The following CABLES1 variants were observed in gnomAD, a reference collection of about 807,000 sequenced individuals.
CABLES1 encodes the protein CDK5 and ABL1 enzyme substrate 1.
A neutral mutation model predicts 57.8 loss-of-function variants in CABLES1; 36 were observed. The observed-to-expected ratio is 0.62, with a 90% CI of 0.48 to 0.82. CABLES1 has a LOEUF of 0.82. Among genes scored for constraint, CABLES1 ranks in the 40% least tolerant of loss-of-function variants. CABLES1 has a pLI of 0.00. For missense variants in CABLES1, 767 were observed against 836.6 expected, an observed-to-expected ratio of 0.92 and a Z score of 1.03; for synonymous variants, 374 against 363.0, an observed-to-expected ratio of 1.03 and a Z score of -0.35.
intron 2 of CABLES1, among the ~76,000 whole-genome samples, chr18:23,190,073 C>G (rs138565787): frequency 1.3e-5 from 2 of 152,300 alleles, no homozygotes; most frequent in Middle Eastern, 3.4e-3. Context: ...GTGGCAAACG[C>G]GGCCTGGGAA....
chr18:23,186,794 C>T (rs948445170), intron 1 of CABLES1, among the ~76,000 whole-genome samples: 2 of 152,122 alleles, frequency 1.3e-5, no homozygotes, highest in Non-Finnish European at 2.9e-5. Context: ...GATTCTAGGC[C>T]CTAGGCATTC....
At chr18:23,255,749 C>T (rs1184048581) in intron 9 of CABLES1, among the ~76,000 whole-genome samples, 1 of 151,750 alleles carries the variant, frequency 6.6e-6, no homozygotes, top group Non-Finnish European at 1.5e-5. Context: ...TTTATAGAGA[C>T]CAGGTCTTGC....
At chr18:23,184,956 A>T (rs2047192322) in intron 1 of CABLES1, among the ~76,000 whole-genome samples, 1 of 152,142 alleles carries the variant, frequency 6.6e-6, no homozygotes. Context: ...CCACCACCTC[A>T]TACTATCACA....
intron 4 of CABLES1, among the ~76,000 whole-genome samples, chr18:23,217,967 G>T (rs1445534490): frequency 6.6e-6 from 1 of 152,190 alleles, no homozygotes; most frequent in Admixed American, 6.5e-5. Flanking sequence ...CCAGCCTGCC[G>T]GGCCATGCTT....
intron 3 of CABLES1, among the ~76,000 whole-genome samples, chr18:23,196,360 T>G (rs1417605480): frequency 2.0e-5 from 3 of 152,170 alleles, no homozygotes; most frequent in African/African-American, 7.2e-5. Flanking sequence ...GAGCTGGTTT[T>G]CTTGTGCAAA....
intron 8 of CABLES1, 100 bp from the exon 9 acceptor site, chr18:23,253,629 G>A: frequency 3.0e-6 from 3 of 993,462 alleles, no homozygotes; most frequent in Non-Finnish European, 4.5e-6. Flanking sequence ...CACCCTCTGG[G>A]AAAGAGAAAG....
At chr18:23,255,709 A>G (rs1340814961) in intron 9 of CABLES1, among the ~76,000 whole-genome samples, 1 of 151,924 alleles carries the variant, frequency 6.6e-6, no homozygotes, top group Non-Finnish European at 1.5e-5. Flanking sequence ...ACAGGCATGT[A>G]CCACTGCGCC....
chr18:23,243,025 A>G (rs2047774313), intron 7 of CABLES1, among the ~76,000 whole-genome samples: 1 of 150,398 alleles, frequency 6.6e-6, no homozygotes, highest in Non-Finnish European at 1.5e-5. Flanking sequence ...ATATATTTAT[A>G]AATATAGATA....
intron 1 of CABLES1, among the ~76,000 whole-genome samples, chr18:23,143,420 C>T (rs1460820471): frequency 6.6e-6 from 1 of 152,222 alleles, no homozygotes; most frequent in Non-Finnish European, 1.5e-5. Flanking sequence ...GTTTAAAGCT[C>T]TGCTGGGTCC....
Position 23,257,616 on chromosome 18 carries a change from CT to C in CABLES1, c.*250del. The C allele has an allele frequency of 2.5e-6, 1 of 398,530 alleles. No individual in the cohort carries two copies. Among genetic ancestry groups the C allele is most frequent in the Non-Finnish European group, 4.4e-6 (1 of 228,480 alleles). 24.7% of individuals were successfully genotyped at this position (398,530 alleles called of 1,614,324 possible). A position where few individuals can be genotyped will look rare whatever the true frequency, so the allele number is the denominator to read the frequency against. On this transcript the variant is annotated 3_prime_UTR_variant, in exon 10 of 10. Coordinates refer to ENST00000256925, the MANE Select transcript of CABLES1 (RefSeq NM_001100619.3). ...GTGCTGAGAACAGAGAGGCCCTGCC[CT>C]CTGTCCACTAGCGAGAATCCCTAGC...
At chr18:23,218,986 T>C (rs1339210513) in intron 4 of CABLES1, 1 of 347,490 alleles carries the variant, frequency 2.9e-6, no homozygotes, top group African/African-American at 2.1e-5. Flanking sequence ...CCCACAATTA[T>C]AGTAAATGTA....
intron 4 of CABLES1, among the ~76,000 whole-genome samples, chr18:23,230,400 A>G (rs972954125): frequency 2.0e-5 from 3 of 152,120 alleles, no homozygotes; most frequent in Non-Finnish European, 4.4e-5. Flanking sequence ...ACCTATAAGA[A>G]ACTGACATTG....
At chr18:23,222,550 ATC>A (rs1240546876) in intron 4 of CABLES1, among the ~76,000 whole-genome samples, 26 of 148,168 alleles carry the variant, frequency 1.8e-4, no homozygotes, top group African/African-American at 5.9e-4. Context: ...CTCTATATAT[ATC>A]TATATATAGA....
chr18:23,235,770 A>C (rs1157774555), intron 5 of CABLES1, 125 bp from the exon 6 acceptor site: 7 of 986,304 alleles, frequency 7.1e-6, no homozygotes, highest in Non-Finnish European at 1.1e-5. Flanking sequence ...GATCTCATTG[A>C]ATTTCAGAAT....
chr18:23,201,400 G>A (rs1300901951), intron 3 of CABLES1, among the ~76,000 whole-genome samples: 1 of 152,226 alleles, frequency 6.6e-6, no homozygotes, highest in Non-Finnish European at 1.5e-5. Flanking sequence ...GTCATAGAAA[G>A]CTAGATGTGT....
intron 2 of CABLES1, among the ~76,000 whole-genome samples, chr18:23,192,503 G>T (rs1208070795): frequency 6.6e-6 from 1 of 152,218 alleles, no homozygotes; most frequent in East Asian, 1.9e-4. Context: ...CAGCTGGGAG[G>T]TGGGAGGAAG....
intron 1 of CABLES1, among the ~76,000 whole-genome samples, chr18:23,186,423 C>CTT (rs869108601): frequency 0.028 from 3,990 of 143,490 alleles, 86 homozygotes; most frequent in Middle Eastern, 0.048. Context: ...CTTTTCTCTT[C>CTT]TTTTTTTTTT....
At chr18:23,201,779 C>T (rs1292374614) in intron 3 of CABLES1, among the ~76,000 whole-genome samples, 1 of 152,182 alleles carries the variant, frequency 6.6e-6, no homozygotes, top group African/African-American at 2.4e-5. Context: ...GGAAATGATA[C>T]ATGTGCACAG....
intron 5 of CABLES1, 21 bp from the exon 6 acceptor site, chr18:23,235,874 G>A: frequency 6.2e-7 from 1 of 1,612,828 alleles, no homozygotes; most frequent in Admixed American, 1.7e-5. Flanking sequence ...TCACTGGCCT[G>A]TTTTTGTCTT....
Sources: allele counts gnomAD v4.1 joint callset (sites outside exome capture counted in the v4.1 genomes callset), GRCh38; gene constraint gnomAD v4.1.1; transcripts MANE v1.5; gene names NCBI Gene and HGNC (gene_info 2026-07-23, HGNC 2026-07-21).